CSGALNACT1: variants seen among roughly 807,000 people sequenced by gnomAD.
The protein encoded by CSGALNACT1 is beta4GalNAcT-1.
In CSGALNACT1, 52 loss-of-function variants were observed where a neutral mutation model predicts 51.0. The observed-to-expected ratio is 1.02, with a 90% confidence interval of 0.82 to 1.29. The LOEUF is 1.29. Ranked by LOEUF, CSGALNACT1 falls within the 50% of genes most tolerant of loss-of-function variation. The pLI, the probability that CSGALNACT1 is intolerant of heterozygous loss-of-function variation, is 0.00. For synonymous variants in CSGALNACT1, 341 were observed against 254.4 expected (o/e 1.34, Z -3.24); for missense variants, 935 against 679.2 (o/e 1.38, Z -4.19).
At chr8:19,454,789 T>TAA (rs5889872) in intron 5 of CSGALNACT1, among the ~76,000 whole-genome samples, 112 of 149,570 alleles carry the variant, frequency 7.5e-4, no homozygotes, top group Middle Eastern at 3.5e-3. Flanking sequence ...CAAAATGTAG[T>TAA]AAAAAAAAAA....
chr8:19,653,540 T>A (rs117955584), intron 1 of CSGALNACT1, among the ~76,000 whole-genome samples: 6,703 of 152,252 alleles, frequency 0.044, 234 homozygotes, highest in Non-Finnish European at 0.063. Flanking sequence ...ATGCCTGTAA[T>A]CCCAGCACTT....
intron 3 of CSGALNACT1, among the ~76,000 whole-genome samples, chr8:19,534,468 T>C (rs928821005): frequency 5.3e-5 from 8 of 151,656 alleles, no homozygotes; most frequent in Non-Finnish European, 8.8e-5. Flanking sequence ...AAAAAATCTG[T>C]GTAAGAGTAC....
At chr8:19,569,424 T>C (rs2042544361) in intron 3 of CSGALNACT1, among the ~76,000 whole-genome samples, 1 of 152,148 alleles carries the variant, frequency 6.6e-6, no homozygotes, top group African/African-American at 2.4e-5. Context: ...ATAGACCTTG[T>C]GATACAATAA....
intron 1 of CSGALNACT1, among the ~76,000 whole-genome samples, chr8:19,744,144 T>A (rs1326100646): frequency 6.6e-6 from 1 of 152,172 alleles, no homozygotes; most frequent in African/African-American, 2.4e-5. Context: ...TCAGGCTCGA[T>A]AAGGAGTATT....
At chr8:19,552,089 T>TA (rs1455262647) in intron 3 of CSGALNACT1, among the ~76,000 whole-genome samples, 1 of 152,206 alleles carries the variant, frequency 6.6e-6, no homozygotes, top group Admixed American at 6.5e-5. Flanking sequence ...TCAGATGGGA[T>TA]AAAAAATAGT....
At chr8:19,755,034 T>C (rs2065268365) in intron 1 of CSGALNACT1, among the ~76,000 whole-genome samples, 1 of 152,244 alleles carries the variant, frequency 6.6e-6, no homozygotes, top group South Asian at 2.1e-4. Context: ...ATAACTTCAT[T>C]ACATTCTGTA....
intron 1 of CSGALNACT1, among the ~76,000 whole-genome samples, chr8:19,640,914 T>C (rs2056662122): frequency 6.6e-6 from 1 of 151,992 alleles, no homozygotes; most frequent in South Asian, 2.1e-4. Context: ...TCCAAAAGGC[T>C]GGATTCAGTG....
chr8:19,459,948 C>A (rs895939925), intron 4 of CSGALNACT1, among the ~76,000 whole-genome samples: 1 of 152,134 alleles, frequency 6.6e-6, no homozygotes, highest in African/African-American at 2.4e-5. Context: ...GATATGAACT[C>A]AGCATCTCAG....
At chr8:19,670,650 C>CAAGAAAAA (rs2059723370) in intron 1 of CSGALNACT1, among the ~76,000 whole-genome samples, 1 of 92,848 alleles carries the variant, frequency 1.1e-5, no homozygotes, top group Non-Finnish European at 1.9e-5. Flanking sequence ...CTACTGAAGA[C>CAAGAAAAA]AAAAAAAAAA....
At chr8:19,640,880 T>TG (rs1365536225) in intron 1 of CSGALNACT1, among the ~76,000 whole-genome samples, 1 of 148,860 alleles carries the variant, frequency 6.7e-6, no homozygotes, top group African/African-American at 2.5e-5. Flanking sequence ...AAGTTTTGGT[T>TG]GTTTTTTTTT....
chr8:19,452,486 C>G (rs978250357), intron 5 of CSGALNACT1, among the ~76,000 whole-genome samples: 11 of 151,174 alleles, frequency 7.3e-5, no homozygotes, highest in African/African-American at 2.7e-4. Context: ...CACATTTAGT[C>G]AAGATCTTTT....
At chr8:19,523,255 C>T (rs545746356) in intron 3 of CSGALNACT1, among the ~76,000 whole-genome samples, 2 of 152,232 alleles carry the variant, frequency 1.3e-5, no homozygotes, top group Admixed American at 1.3e-4. Flanking sequence ...AGCATTATCA[C>T]ACAGTACTAT....
In CSGALNACT1 at chr8:19,549,825, T is replaced by A. The variant is rs1588178050; in HGVS notation, c.-297+41335A>T. 2.0e-5 allele frequency among the ~76,000 whole-genome samples: 3 copies of A among 152,148 alleles called. No homozygotes were observed. The South Asian group carries it at 6.2e-4, about 31-fold the overall frequency. On this transcript the variant is annotated intron_variant, in intron 3 of 9. Transcript: ENST00000454498. Reference sequence around the variant, plus strand: ...GTTTGACCAGGTAAAGGCTTCAGATTGGTGATCATGTTCCCTGAGATTTGG... The same window carrying A: ...GTTTGACCAGGTAAAGGCTTCAGATAGGTGATCATGTTCCCTGAGATTTGG...
At chr8:19,548,675 G>C (rs1360466671) in intron 3 of CSGALNACT1, among the ~76,000 whole-genome samples, 2 of 152,090 alleles carry the variant, frequency 1.3e-5, no homozygotes, top group Non-Finnish European at 2.9e-5. Flanking sequence ...AAATCAAATG[G>C]TACTATAAGA....
chr8:19,442,794 A>G (rs2061535669), intron 5 of CSGALNACT1, among the ~76,000 whole-genome samples: 1 of 151,982 alleles, frequency 6.6e-6, no homozygotes, highest in Non-Finnish European at 1.5e-5. Flanking sequence ...ATCCTTGCCC[A>G]TGACTCTCTT....
At chr8:19,571,035 G>A (rs1447704574) in intron 3 of CSGALNACT1, among the ~76,000 whole-genome samples, 5 of 152,186 alleles carry the variant, frequency 3.3e-5, no homozygotes, top group East Asian at 1.9e-4. Context: ...CAGAAGTGCA[G>A]TGGCACAATC....
intron 3 of CSGALNACT1, among the ~76,000 whole-genome samples, chr8:19,583,732 ATTC>A (rs960385828): frequency 1.3e-5 from 2 of 152,160 alleles, no homozygotes; most frequent in African/African-American, 4.8e-5. Context: ...TATACTCTTC[ATTC>A]TTCTTCTCAC....
intron 1 of CSGALNACT1, among the ~76,000 whole-genome samples, chr8:19,676,448 G>A (rs771430536): frequency 3.3e-5 from 5 of 152,188 alleles, no homozygotes; most frequent in African/African-American, 7.2e-5. Flanking sequence ...TCACGGAATC[G>A]TCTTGAAGCA....
intron 3 of CSGALNACT1, among the ~76,000 whole-genome samples, chr8:19,566,819 T>C (rs1193325030): frequency 6.6e-6 from 1 of 152,152 alleles, no homozygotes; most frequent in Admixed American, 6.5e-5. Flanking sequence ...CCCTCAACGA[T>C]TCACGGAGTC....
Sources: gnomAD v4.1 joint callset for allele counts (sites outside exome capture counted in the v4.1 genomes callset) on GRCh38, gnomAD v4.1.1 for gene constraint, MANE v1.5 for transcripts, NCBI Gene and HGNC (gene_info 2026-07-23, HGNC 2026-07-21) for gene names.